The following NECTIN1 variants were observed in gnomAD, a reference collection of about 807,000 sequenced individuals.
NECTIN1 encodes nectin-1.
A neutral mutation model predicts 48.0 loss-of-function variants in NECTIN1; 23 were observed. The observed-to-expected ratio is 0.48, with a 90% CI of 0.34 to 0.68. NECTIN1 has a LOEUF of 0.68. Ranked by LOEUF, NECTIN1 falls within the 30% of genes least tolerant of loss-of-function variation. The pLI is 0.01. For synonymous variants in NECTIN1, 270 were observed against 288.9 expected (o/e 0.93, Z 0.66); for missense variants, 591 against 709.9 (o/e 0.83, Z 1.90).
chr11:119,728,015 C>T (rs1399403130), intron 1 of NECTIN1, among the ~76,000 whole-genome samples: 1 of 152,028 alleles, frequency 6.6e-6, no homozygotes, highest in Admixed American at 6.5e-5. Flanking sequence ...GCAAAGGGGC[C>T]GCCGAAAGAG....
chr11:119,667,469 A>C (rs1250230920), intron 5 of NECTIN1, among the ~76,000 whole-genome samples: 1 of 152,246 alleles, frequency 6.6e-6, no homozygotes, highest in Non-Finnish European at 1.5e-5. Flanking sequence ...GCAGATGTTA[A>C]GGGAACAGGC....
intron 1 of NECTIN1, among the ~76,000 whole-genome samples, chr11:119,718,962 T>C (rs1865785190): frequency 6.6e-6 from 1 of 152,240 alleles, no homozygotes; most frequent in Non-Finnish European, 1.5e-5. Flanking sequence ...TGAAATTTCA[T>C]TTCTATTTCA....
chr11:119,714,129 CAA>C (rs1196416786), intron 1 of NECTIN1, among the ~76,000 whole-genome samples: 1 of 152,148 alleles, frequency 6.6e-6, no homozygotes, highest in Non-Finnish European at 1.5e-5. Flanking sequence ...ACCAAAGAAG[CAA>C]AGAGGCAGGA....
At position 119,715,730 on chromosome 11, in the gene NECTIN1, G is replaced by T. The variant is rs781061853; in HGVS notation, c.79+12745C>A. On this transcript the variant is annotated intron_variant, in intron 1 of 5. Transcript: ENST00000264025. ...CTGCCTAGTGTCACTGTCCCTTCAC[G>T]TCCAAACAGGATGGCTTAAAGAGAC... Among the ~76,000 whole-genome samples the T allele has an allele frequency of 1.1e-4, 17 of 152,056 alleles. 1 individual carries two copies. Among genetic ancestry groups the T allele is most frequent in the Non-Finnish European group, 2.1e-4 (14 of 68,028 alleles).
At chr11:119,675,452 A>T in intron 4 of NECTIN1, 142 bp from the exon 5 acceptor site, 4 of 733,562 alleles carry the variant, frequency 5.5e-6, no homozygotes, top group Non-Finnish European at 9.2e-6. Context: ...AAGAAAAATA[A>T]TAATAATAAT....
At chr11:119,707,761 C>T (rs1865573217) in intron 1 of NECTIN1, among the ~76,000 whole-genome samples, 1 of 152,146 alleles carries the variant, frequency 6.6e-6, no homozygotes, top group South Asian at 2.1e-4. Flanking sequence ...AGCTTCCAGC[C>T]CTGATTTGAT....
chr11:119,653,327 C>A (rs1334664047), intron 5 of NECTIN1, among the ~76,000 whole-genome samples: 1 of 152,202 alleles, frequency 6.6e-6, no homozygotes, highest in African/African-American at 2.4e-5. Flanking sequence ...TCAGGTGGCT[C>A]CCGGGGCATT....
At chr11:119,691,765 T>C (rs1013028227) in intron 1 of NECTIN1, among the ~76,000 whole-genome samples, 1 of 152,188 alleles carries the variant, frequency 6.6e-6, no homozygotes, top group Non-Finnish European at 1.5e-5. Context: ...CCTCATTTGG[T>C]TGGAGGGAGA....
chr11:119,706,975 C>T (rs1865558978), intron 1 of NECTIN1, among the ~76,000 whole-genome samples: 1 of 152,202 alleles, frequency 6.6e-6, no homozygotes, highest in Non-Finnish European at 1.5e-5. Flanking sequence ...GCCCCTGTCC[C>T]TCAATTCTCC....
intron 5 of NECTIN1, among the ~76,000 whole-genome samples, chr11:119,645,366 T>G (rs1864383745): frequency 6.6e-6 from 1 of 152,168 alleles, no homozygotes; most frequent in Non-Finnish European, 1.5e-5. Context: ...GCGGTCTCAC[T>G]GCTGGGAGGG....
chr11:119,649,679 G>T (rs1864461657), intron 5 of NECTIN1, among the ~76,000 whole-genome samples: 1 of 152,174 alleles, frequency 6.6e-6, no homozygotes, highest in Admixed American at 6.5e-5. Context: ...GACAGGGTGA[G>T]ACTCCGTCTC....
At chr11:119,712,820 G>A (rs1324090332) in intron 1 of NECTIN1, 1 of 152,200 alleles carries the variant, frequency 6.6e-6, no homozygotes, top group African/African-American at 2.4e-5. Context: ...TGGTCTTCAG[G>A]TCCCCGCTCA....
At chr11:119,671,950 C>G (rs1325215626) in intron 5 of NECTIN1, among the ~76,000 whole-genome samples, 2 of 152,266 alleles carry the variant, frequency 1.3e-5, no homozygotes, top group Non-Finnish European at 2.9e-5. Context: ...CAGACGGAGC[C>G]TGTTCACACT....
At chr11:119,653,329 C>T (rs1864518720) in intron 5 of NECTIN1, among the ~76,000 whole-genome samples, 2 of 152,198 alleles carry the variant, frequency 1.3e-5, no homozygotes, top group East Asian at 1.9e-4. Context: ...AGGTGGCTCC[C>T]GGGGCATTTC....
intron 1 of NECTIN1, among the ~76,000 whole-genome samples, chr11:119,723,500 T>G (rs753695465): frequency 1.3e-5 from 2 of 152,166 alleles, no homozygotes; most frequent in African/African-American, 2.4e-5. Flanking sequence ...TGCCCCCGCC[T>G]GAGAATACAT....
In NECTIN1 at chr11:119,677,493, G is replaced by A. The variant is rs1864974710; in HGVS notation, c.733+62C>T. On this transcript the variant is annotated intron_variant, in intron 3 of 5. Coordinates refer to ENST00000264025, the MANE Select transcript of NECTIN1 (RefSeq NM_002855.5). The surrounding 1 kb of genome is among the most constrained non-coding windows in gnomAD (Gnocchi z 5.4). ...AAGAGAAAGGGAGGAGAAAGGAGAG[G>A]AGGAGGGAGGAGGGACAGTGGCGCC... is the stretch of plus-strand genomic sequence containing the variant. 3 of 1,542,046 alleles carry A rather than the reference G, an allele frequency of 1.9e-6. No homozygotes were observed. In the Admixed American group the frequency reaches 5.0e-5, roughly 26 times the overall value.
chr11:119,721,589 G>A (rs1865831593), intron 1 of NECTIN1, among the ~76,000 whole-genome samples: 1 of 152,250 alleles, frequency 6.6e-6, no homozygotes, highest in African/African-American at 2.4e-5. Flanking sequence ...AACTGAGAAT[G>A]AAATTGGGGT....
chr11:119,692,877 A>G (rs191831770), intron 1 of NECTIN1, among the ~76,000 whole-genome samples: 1 of 152,288 alleles, frequency 6.6e-6, no homozygotes, highest in Non-Finnish European at 1.5e-5. Context: ...TTCCTGGGGA[A>G]AAGAGCGGCC....
chr11:119,645,644 G>T (rs1864388058), intron 5 of NECTIN1, among the ~76,000 whole-genome samples: 2 of 152,190 alleles, frequency 1.3e-5, no homozygotes, highest in African/African-American at 4.8e-5. Flanking sequence ...ATGCCTTGCT[G>T]GGTGTTTCCA....
Sources: gnomAD v4.1 joint callset for allele counts (sites outside exome capture counted in the v4.1 genomes callset) on GRCh38, gnomAD v4.1.1 for gene constraint, Gnocchi (gnomAD v3.1) non-coding constraint, MANE v1.5 for transcripts, NCBI Gene and HGNC (gene_info 2026-07-23, HGNC 2026-07-21) for gene names.